Variants in RSRC1 observed in about 807,000 individuals in gnomAD.
RSRC1 encodes the protein arginine and serine rich coiled-coil 1.
A neutral mutation model predicts 49.1 loss-of-function variants in RSRC1; 39 were observed. The ratio of observed to expected loss-of-function variants is 0.79; its 90% CI spans 0.61 to 1.04. The LOEUF (loss-of-function observed/expected upper bound fraction) is 1.04, where lower values mean the gene tolerates loss of function less well. Among genes scored for constraint, RSRC1 ranks in the 50% least tolerant of loss-of-function variants. The pLI is 0.00. For synonymous variants in RSRC1, 143 were observed against 130.8 expected (o/e 1.09, Z -0.63); for missense variants, 388 against 402.4 (o/e 0.96, Z 0.31).
intron 5 of RSRC1, among the ~76,000 whole-genome samples, chr3:158,351,716 T>C (rs62289492): frequency 2.4e-4 from 37 of 151,968 alleles, no homozygotes; most frequent in Non-Finnish European, 5.2e-4. Flanking sequence ...GGAGTCAGAG[T>C]CTTAGTTTTA....
intron 6 of RSRC1, among the ~76,000 whole-genome samples, chr3:158,416,407 G>A (rs1414502960): frequency 6.6e-6 from 1 of 152,012 alleles, no homozygotes; most frequent in African/African-American, 2.4e-5. Flanking sequence ...TTAAGAAACT[G>A]GCAGCTTCCA....
At chr3:158,225,737 A>G (rs1205990420) in intron 4 of RSRC1, 2 of 449,356 alleles carry the variant, frequency 4.5e-6, no homozygotes, top group East Asian at 1.4e-4. Flanking sequence ...CCAAATTGTG[A>G]GTAAACCTAT....
chr3:158,432,509 A>G (rs140181525), intron 6 of RSRC1, among the ~76,000 whole-genome samples: 42 of 151,894 alleles, frequency 2.8e-4, no homozygotes, highest in African/African-American at 9.6e-4. Context: ...TTTTTTCCTC[A>G]AAAATCTATG....
chr3:158,390,333 T>G (rs1353542235), intron 6 of RSRC1, among the ~76,000 whole-genome samples: 1 of 152,146 alleles, frequency 6.6e-6, no homozygotes, highest in Non-Finnish European at 1.5e-5. Flanking sequence ...TAGTTAGTGG[T>G]CTTAGACCTG....
At position 158,545,197 on chromosome 3, in the gene RSRC1, T is replaced by TCC. The variant is rs1261756014; in HGVS notation, c.*922_*923insCC. The TCC allele has an allele frequency of 9.8e-6, 1 of 101,664 alleles. No individual in the cohort carries two copies. Among genetic ancestry groups the TCC allele is most frequent in the Admixed American group, 9.5e-5 (1 of 10,528 alleles). The allele number at this position is 101,664 out of a possible 1,614,324, so 6.3% of individuals were successfully genotyped here. ...AATATTTCCCGTTTCTATTTTCTTT[T>TCC]TTTTTTTTTTTTTTTTTTTTTTGAG... is the stretch of plus-strand genomic sequence containing the variant. On this transcript the variant is annotated 3_prime_UTR_variant, in exon 10 of 10. Coordinates refer to ENST00000611884, the MANE Select transcript of RSRC1 (RefSeq NM_001271838.2).
rs544699957 is a variant in RSRC1, at chr3:158,323,005, A to G, written c.531+24930A>G. The stretch of plus-strand genomic sequence containing the variant: ...ACATCTGGGTTAATTTGGAGTTTCT[A>G]TTGACTACCCTTCTTCCTTGAGCAG... On this transcript the variant is annotated intron_variant, in intron 5 of 9. Coordinates refer to ENST00000611884, the MANE Select transcript of RSRC1 (RefSeq NM_001271838.2). Among the ~76,000 whole-genome samples the G allele has an allele frequency of 2.5e-4, 38 of 152,144 alleles. 1 individual carries two copies. The highest frequency in any genetic ancestry group is 6.8e-3 in the Middle Eastern group (2 of 294).
chr3:158,337,784 G>A (rs1246690526), intron 5 of RSRC1, among the ~76,000 whole-genome samples: 1 of 152,112 alleles, frequency 6.6e-6, no homozygotes, highest in Admixed American at 6.6e-5. Context: ...TAAACAGGTA[G>A]CCTCGATGTA....
At chr3:158,233,142 C>T (rs749690065) in intron 4 of RSRC1, among the ~76,000 whole-genome samples, 17 of 152,130 alleles carry the variant, frequency 1.1e-4, no homozygotes, top group Non-Finnish European at 2.5e-4. Flanking sequence ...AAGGGAAAGA[C>T]ATAAATTCCT....
chr3:158,502,534 G>A (rs1457114744), intron 7 of RSRC1, among the ~76,000 whole-genome samples: 1 of 152,024 alleles, frequency 6.6e-6, no homozygotes, highest in Non-Finnish European at 1.5e-5. Flanking sequence ...AATAATCCTA[G>A]ACTTCTTGGA....
At chr3:158,425,122 C>G (rs1735334200) in intron 6 of RSRC1, among the ~76,000 whole-genome samples, 1 of 151,728 alleles carries the variant, frequency 6.6e-6, no homozygotes, top group Non-Finnish European at 1.5e-5. Context: ...CTTCTGCTAG[C>G]TTTTGAATGT....
intron 4 of RSRC1, chr3:158,225,726 A>G (rs1446983614): frequency 2.2e-6 from 1 of 451,570 alleles, no homozygotes; most frequent in Non-Finnish European, 4.4e-6. Flanking sequence ...TTTTAGGAAG[A>G]CCAAATTGTG....
At chr3:158,436,517 C>T (rs988874505) in intron 6 of RSRC1, among the ~76,000 whole-genome samples, 4 of 151,936 alleles carry the variant, frequency 2.6e-5, no homozygotes, top group Non-Finnish European at 4.4e-5. Context: ...TACATATATA[C>T]ACACCAGATT....
chr3:158,403,243 C>A (rs1047009273), intron 6 of RSRC1, among the ~76,000 whole-genome samples: 1 of 151,826 alleles, frequency 6.6e-6, no homozygotes, highest in Non-Finnish European at 1.5e-5. Context: ...AATAAAATTT[C>A]TCTCAATGAG....
rs1386441866 is a variant in RSRC1, at chr3:158,545,188, A to ATTTTTT, written c.*917_*918insTTTTTT. ...GCTGACATGAATATTTCCCGTTTCT[A>ATTTTTT]TTTTCTTTTTTTTTTTTTTTTTTTT... On this transcript the variant is annotated 3_prime_UTR_variant, in exon 10 of 10. Coordinates refer to ENST00000611884, the MANE Select transcript of RSRC1 (RefSeq NM_001271838.2). The ATTTTTT allele has an allele frequency of 1.7e-5, 1 of 58,792 alleles. No homozygotes were observed. The highest frequency in any genetic ancestry group is 6.2e-5 in the African/African-American group (1 of 16,032). 3.6% of individuals were successfully genotyped at this position (58,792 alleles called of 1,614,324 possible).
chr3:158,276,191 C>T (rs1216786163), intron 4 of RSRC1: 3 of 827,898 alleles, frequency 3.6e-6, no homozygotes, highest in East Asian at 2.4e-5. Context: ...ATGTTGCACC[C>T]TTAGGAACTG....
intron 6 of RSRC1, among the ~76,000 whole-genome samples, chr3:158,457,740 G>GTTTTTTTTTTTTTTTTTTT (rs762873924): frequency 1.3e-5 from 1 of 78,772 alleles, no homozygotes. Flanking sequence ...GTTTTTTTTT[G>GTTTTTTTTTTTTTTTTTTT]TTTTTTTTTT....
chr3:158,265,778 T>TTGC (rs748875415), intron 4 of RSRC1, among the ~76,000 whole-genome samples: 3 of 152,220 alleles, frequency 2.0e-5, no homozygotes, highest in Non-Finnish European at 2.9e-5. Flanking sequence ...TTCTTAATGT[T>TTGC]TGCTAAAACC....
chr3:158,142,470 G>T (rs1418677399), intron 3 of RSRC1, among the ~76,000 whole-genome samples: 1 of 152,168 alleles, frequency 6.6e-6, no homozygotes, highest in East Asian at 1.9e-4. Context: ...AGGAATACCT[G>T]AGACTGAGTA....
At position 158,330,303 on chromosome 3, in the gene RSRC1, G is replaced by A. The variant is rs761681497; in HGVS notation, c.532-24554G>A. Among the ~76,000 whole-genome samples the A allele has an allele frequency of 2.6e-5, 4 of 152,290 alleles. 1 individual carries two copies. Among genetic ancestry groups the A allele is most frequent in the Middle Eastern group, 6.8e-3 (2 of 294 alleles). On this transcript the variant is annotated intron_variant, in intron 5 of 9. Transcript: ENST00000611884. ...TCAGTTGGAAATGCAGAAATCACCCGTCTTCTGCGTCGCTCACTCTGGGAG... is the reference window on the plus strand; with the variant it reads ...TCAGTTGGAAATGCAGAAATCACCCATCTTCTGCGTCGCTCACTCTGGGAG...
Sources: allele counts gnomAD v4.1 joint callset (sites outside exome capture counted in the v4.1 genomes callset), GRCh38; gene constraint gnomAD v4.1.1; transcripts MANE v1.5; gene names NCBI Gene and HGNC (gene_info 2026-07-23, HGNC 2026-07-21).